Variants in GDPD4 observed in about 807,000 individuals in gnomAD.
GDPD4 encodes the protein glycerophosphodiester phosphodiesterase 6.
GDPD4 carries 60 observed loss-of-function variants against 67.8 expected under a neutral mutation model. The ratio of observed to expected loss-of-function variants is 0.88; its 90% CI spans 0.72 to 1.10. GDPD4 has a LOEUF of 1.10. GDPD4 is among the 50% of genes least tolerant of loss of function. The pLI, the probability that GDPD4 is intolerant of heterozygous loss-of-function variation, is 0.00. For missense variants in GDPD4, 623 were observed against 613.9 expected, an observed-to-expected ratio of 1.01 and a Z score of -0.16; for synonymous variants, 212 against 210.9, an observed-to-expected ratio of 1.00 and a Z score of -0.04.
chr11:77,290,043 G>A (rs1047594229), intron 1 of GDPD4, among the ~76,000 whole-genome samples: 2 of 152,282 alleles, frequency 1.3e-5, no homozygotes, highest in Admixed American at 6.5e-5. Context: ...CATCCAGATA[G>A]TGGAAGCTCA....
At chr11:77,238,727 G>A (rs1322351549) in intron 13 of GDPD4, among the ~76,000 whole-genome samples, 1 of 151,996 alleles carries the variant, frequency 6.6e-6, no homozygotes, top group Non-Finnish European at 1.5e-5. Context: ...GAAAAGCCCA[G>A]GACATAGTGG....
intron 11 of GDPD4, among the ~76,000 whole-genome samples, chr11:77,256,799 A>G (rs918136116): frequency 6.6e-6 from 1 of 152,140 alleles, no homozygotes; most frequent in East Asian, 1.9e-4. Flanking sequence ...CTCCCCCTTC[A>G]TCTTCTGCCA....
At chr11:77,280,812 T>C (rs2135884016) in intron 3 of GDPD4, among the ~76,000 whole-genome samples, 1 of 152,320 alleles carries the variant, frequency 6.6e-6, no homozygotes, top group African/African-American at 2.4e-5. Flanking sequence ...GTAACTGTAC[T>C]TACTGTTGGT....
intron 16 of GDPD4, 93 bp from the exon 17 acceptor site, chr11:77,217,407 C>A: frequency 9.8e-7 from 1 of 1,022,766 alleles, no homozygotes; most frequent in Non-Finnish European, 1.6e-6. Flanking sequence ...TAAATGTTAG[C>A]CACTCCCTTA....
intron 12 of GDPD4, 33 bp downstream of exon 12, chr11:77,245,248 C>A: frequency 6.4e-7 from 1 of 1,561,510 alleles, no homozygotes; most frequent in South Asian, 1.1e-5. Flanking sequence ...ACCCACCTCC[C>A]AACCTATGTC....
intron 11 of GDPD4, among the ~76,000 whole-genome samples, chr11:77,254,504 A>G (rs1453299368): frequency 6.6e-6 from 1 of 152,128 alleles, no homozygotes; most frequent in East Asian, 1.9e-4. Context: ...GATGAGTGCT[A>G]GTATTTTCTA....
chr11:77,266,702 G>A (rs1003684999), intron 10 of GDPD4, among the ~76,000 whole-genome samples: 3 of 152,090 alleles, frequency 2.0e-5, no homozygotes, highest in African/African-American at 7.2e-5. Flanking sequence ...CCCTGTGTAA[G>A]CCTAGGCTAA....
chr11:77,261,950 A>C (rs1959127372), intron 10 of GDPD4, among the ~76,000 whole-genome samples: 1 of 152,232 alleles, frequency 6.6e-6, no homozygotes, highest in Admixed American at 6.5e-5. Flanking sequence ...CCTTTTGGCA[A>C]AACAAGTGGT....
intron 16 of GDPD4, among the ~76,000 whole-genome samples, chr11:77,218,697 T>C (rs573128767): frequency 5.9e-5 from 9 of 152,318 alleles, no homozygotes; most frequent in African/African-American, 1.7e-4. Context: ...GCTTCATCCA[T>C]GTCCCTACAA....
intron 11 of GDPD4, among the ~76,000 whole-genome samples, chr11:77,251,208 T>G (rs893928353): frequency 6.6e-6 from 1 of 152,208 alleles, no homozygotes; most frequent in East Asian, 1.9e-4. Context: ...GTTTTGTATA[T>G]TCTTTGTTTC....
chr11:77,230,469 A>T (rs1442995950), intron 14 of GDPD4, among the ~76,000 whole-genome samples: 1 of 152,210 alleles, frequency 6.6e-6, no homozygotes, highest in Admixed American at 6.5e-5. Context: ...GGTGTAGGTG[A>T]AACACTACAA....
In GDPD4 at chr11:77,258,461, G is replaced by A; in HGVS notation, c.789C>T (p.Ala263=). ...TNIGEVQPES[A]CENPAFFNWD... ...AGTTGAAGAAGGCAGGGTTCTCGCAGGCAGATTCTGGCTGAACTTCCCCAA... is the reference window on the plus strand; with the variant it reads ...AGTTGAAGAAGGCAGGGTTCTCGCAAGCAGATTCTGGCTGAACTTCCCCAA... Residue 263 remains alanine, a synonymous_variant, in exon 11 of 17, where the codon GCC becomes GCT. Coordinates refer to ENST00000315938, the MANE Select transcript of GDPD4 (RefSeq NM_182833.3). The A allele has an allele frequency of 2.5e-6, 4 of 1,614,068 alleles. No individual in the cohort carries two copies. Among genetic ancestry groups the A allele is most frequent in the Non-Finnish European group, 2.5e-6 (3 of 1,179,948 alleles).
chr11:77,268,394 G>C (rs1037383538), intron 10 of GDPD4, 63 bp downstream of exon 10: 1 of 1,144,774 alleles, frequency 8.7e-7, no homozygotes, highest in Non-Finnish European at 1.3e-6. Context: ...GGCCAGGCTG[G>C]TTCTCTTGCA....
At chr11:77,289,017 AGGAGGGGAGG>A (rs907192762) in intron 1 of GDPD4, among the ~76,000 whole-genome samples, 2 of 147,112 alleles carry the variant, frequency 1.4e-5, no homozygotes, top group African/African-American at 4.9e-5. Context: ...AAGAAACAGA[AGGAGGGGAGG>A]GGAGGGGAGG....
At position 77,232,917 on chromosome 11, in the gene GDPD4, T is replaced by C. The variant is rs1021422252; in HGVS notation, c.1389+108A>G. 3.1e-5 allele frequency: 28 copies of C among 916,090 alleles called. No individual in the cohort carries two copies. In the African/African-American group the frequency reaches 4.5e-4, roughly 15 times the overall value. 56.7% of individuals were successfully genotyped at this position (916,090 alleles called of 1,614,324 possible). A position where few individuals can be genotyped will look rare whatever the true frequency, so the allele number is the denominator to read the frequency against. On this transcript the variant is annotated intron_variant, in intron 14 of 16. Coordinates refer to ENST00000315938, the MANE Select transcript of GDPD4 (RefSeq NM_182833.3). ...CATCTCCAATATTCATAGAAGTCTG[T>C]ACTCTTAAGTGGCTGCCCAGGGGAT... is the stretch of plus-strand genomic sequence containing the variant.
intron 13 of GDPD4, among the ~76,000 whole-genome samples, chr11:77,233,692 C>A (rs888010053): frequency 3.3e-5 from 5 of 152,168 alleles, no homozygotes; most frequent in African/African-American, 1.2e-4. Context: ...CTCGAATGAT[C>A]TGCTCATTTA....
Position 77,216,741 on chromosome 11 carries a change from C to T in GDPD4, c.*536G>A, listed in dbSNP as rs1958127872. 6.7e-6 allele frequency: 4 copies of T among 594,146 alleles called. No individual in the cohort carries two copies. The highest frequency in any genetic ancestry group is 4.5e-4 in the Middle Eastern group (1 of 2,232). The allele number at this position is 594,146 out of a possible 1,614,324, so 36.8% of individuals were successfully genotyped here. Reference sequence around the variant, plus strand: ...AGAGCACAATGGTTCCCCTGAGAGCCTCCGTGGCCCTTCTGTGTGCCTTTA... The same window carrying T: ...AGAGCACAATGGTTCCCCTGAGAGCTTCCGTGGCCCTTCTGTGTGCCTTTA... On this transcript the variant is annotated 3_prime_UTR_variant, in exon 17 of 17. Coordinates refer to ENST00000315938, the MANE Select transcript of GDPD4 (RefSeq NM_182833.3).
chr11:77,249,135 G>A (rs748344436), intron 11 of GDPD4, among the ~76,000 whole-genome samples: 8 of 151,084 alleles, frequency 5.3e-5, no homozygotes, highest in Non-Finnish European at 1.0e-4. Flanking sequence ...GCGTGGTGGT[G>A]TGTGCCTGTA....
chr11:77,232,953 G>A, intron 14 of GDPD4, 72 bp downstream of exon 14: 2 of 1,447,862 alleles, frequency 1.4e-6, no homozygotes, highest in Middle Eastern at 1.8e-4. Context: ...GGCACAGTGG[G>A]CAACACAGGG....
Sources: gnomAD v4.1 joint callset for allele counts (sites outside exome capture counted in the v4.1 genomes callset) on GRCh38, gnomAD v4.1.1 for gene constraint, MANE v1.5 for transcripts, NCBI Gene and HGNC (gene_info 2026-07-23, HGNC 2026-07-21) for gene names.